The following BCKDHB variants were observed in gnomAD, a reference collection of about 807,000 sequenced individuals.
The protein encoded by BCKDHB is 2-oxoisovalerate dehydrogenase subunit beta, mitochondrial.
A neutral mutation model predicts 48.5 loss-of-function variants in BCKDHB; 41 were observed. The ratio of observed to expected loss-of-function variants is 0.85; its 90% CI spans 0.66 to 1.10. The LOEUF (loss-of-function observed/expected upper bound fraction) is 1.10. Among genes scored for constraint, BCKDHB ranks in the 50% least tolerant of loss-of-function variants. The probability of loss-of-function intolerance (pLI) is 0.00; values close to 1 mark genes in which losing one functional copy is unlikely to be tolerated. For missense variants in BCKDHB, 496 were observed against 494.2 expected (o/e 1.00, Z -0.03); for synonymous variants, 201 against 174.8 (o/e 1.15, Z -1.18).
chr6:80,304,674 A>G (rs1767763314), intron 9 of BCKDHB, among the ~76,000 whole-genome samples: 1 of 152,164 alleles, frequency 6.6e-6, no homozygotes, highest in Non-Finnish European at 1.5e-5. Context: ...TCACTCAGAA[A>G]CATAGGTGCA....
intron 8 of BCKDHB, among the ~76,000 whole-genome samples, chr6:80,265,845 G>C (rs1777493249): frequency 6.6e-6 from 1 of 152,106 alleles, no homozygotes; most frequent in Non-Finnish European, 1.5e-5. Flanking sequence ...AAATATAGTG[G>C]AATGATAATG....
chr6:80,285,842 A>G (rs1766600378), intron 9 of BCKDHB, among the ~76,000 whole-genome samples: 1 of 152,082 alleles, frequency 6.6e-6, no homozygotes, highest in Admixed American at 6.6e-5. Flanking sequence ...CTTGGGGTTG[A>G]TCAAAGATGA....
At chr6:80,421,614 T>G in the BCKDHB span, among the ~76,000 whole-genome samples, 9 of 152,200 alleles carry the variant, frequency 5.9e-5, no homozygotes, top group African/African-American at 2.2e-4. Flanking sequence ...AAGCTTGAGA[T>G]GGTCTCAGAT....
intron 6 of BCKDHB, among the ~76,000 whole-genome samples, chr6:80,185,346 T>C (rs570494474): frequency 6.6e-6 from 1 of 152,288 alleles, no homozygotes; most frequent in East Asian, 1.9e-4. Flanking sequence ...TTAAATTTTC[T>C]TTAAGTTGTT....
At chr6:80,301,802 C>CA (rs1333203054) in intron 9 of BCKDHB, among the ~76,000 whole-genome samples, 1 of 152,130 alleles carries the variant, frequency 6.6e-6, no homozygotes, top group Non-Finnish European at 1.5e-5. Flanking sequence ...ACACTATGAT[C>CA]AAATAGGCTT....
At chr6:80,128,872 CTGTGTGTGTGTGTGTGTGTG>C (rs60116640) in intron 2 of BCKDHB, among the ~76,000 whole-genome samples, 1 of 147,422 alleles carries the variant, frequency 6.8e-6, no homozygotes, top group South Asian at 2.2e-4. Flanking sequence ...GTTGTCTCAA[CTGTGTGTGTGTGTGTGTGTG>C]TGTGTGTGTG....
chr6:80,411,415 G>A, the BCKDHB span, among the ~76,000 whole-genome samples: 11 of 152,292 alleles, frequency 7.2e-5, no homozygotes, highest in African/African-American at 2.6e-4. Context: ...GGCTACATGG[G>A]GTCAGGGACC....
intron 9 of BCKDHB, among the ~76,000 whole-genome samples, chr6:80,306,738 C>T (rs1222842528): frequency 6.6e-6 from 1 of 152,156 alleles, no homozygotes; most frequent in African/African-American, 2.4e-5. Context: ...TATATCTTTT[C>T]ATTTTTTCAT....
intron 3 of BCKDHB, among the ~76,000 whole-genome samples, chr6:80,130,026 T>C (rs2069520173): frequency 6.6e-6 from 1 of 152,224 alleles, no homozygotes; most frequent in Admixed American, 6.5e-5. Flanking sequence ...CTGATGTCTT[T>C]AATTGGCATG....
chr6:80,267,770 A>G (rs1468931737), intron 8 of BCKDHB, among the ~76,000 whole-genome samples: 1 of 152,146 alleles, frequency 6.6e-6, no homozygotes, highest in Non-Finnish European at 1.5e-5. Context: ...CATTGAGGAA[A>G]AAATGAACCA....
intron 8 of BCKDHB, among the ~76,000 whole-genome samples, chr6:80,204,980 C>A (rs886398251): frequency 1.3e-5 from 2 of 151,982 alleles, no homozygotes; most frequent in Non-Finnish European, 2.9e-5. Flanking sequence ...ATGCATCAGA[C>A]CTCTGACTTA....
At chr6:80,403,680 A>T in the BCKDHB span, among the ~76,000 whole-genome samples, 1 of 151,838 alleles carries the variant, frequency 6.6e-6, no homozygotes, top group Non-Finnish European at 1.5e-5. Flanking sequence ...AAGCTTTCAA[A>T]TTTTCACCTT....
intron 6 of BCKDHB, among the ~76,000 whole-genome samples, chr6:80,187,481 G>C (rs1377314598): frequency 6.6e-6 from 1 of 152,018 alleles, no homozygotes; most frequent in African/African-American, 2.4e-5. Flanking sequence ...TAGCAAGTGG[G>C]GTCAGCTGAT....
chr6:80,109,006 G>A (rs1331051400), intron 1 of BCKDHB, among the ~76,000 whole-genome samples: 4 of 151,976 alleles, frequency 2.6e-5, no homozygotes, highest in East Asian at 1.9e-4. Flanking sequence ...TTATTTAGTC[G>A]GAAGAATTAT....
At chr6:80,239,706 G>C (rs1263750158) in intron 8 of BCKDHB, among the ~76,000 whole-genome samples, 3 of 152,040 alleles carry the variant, frequency 2.0e-5, no homozygotes, top group African/African-American at 7.2e-5. Context: ...GTATTGCCTA[G>C]GTTTTCTTCT....
intron 9 of BCKDHB, among the ~76,000 whole-genome samples, chr6:80,336,997 T>A (rs1448650441): frequency 1.3e-5 from 2 of 152,120 alleles, no homozygotes; most frequent in Non-Finnish European, 2.9e-5. Context: ...TTTAAAGCAT[T>A]AGCTTAAATG....
At chr6:80,363,953 AG>A in the BCKDHB span, among the ~76,000 whole-genome samples, 2 of 152,220 alleles carry the variant, frequency 1.3e-5, no homozygotes, top group Admixed American at 6.5e-5. Flanking sequence ...GCTACTTCTA[AG>A]GAGAACCAAA....
rs758192361 is a variant in BCKDHB at position 80,290,104 on chromosome 6, C to T, written c.1038+16883C>T. Among the ~76,000 whole-genome samples the T allele has an allele frequency of 4.6e-5, 7 of 152,188 alleles. 1 individual carries two copies. The highest frequency in any genetic ancestry group is 7.2e-5 in the African/African-American group (3 of 41,444). ...TGACTTGGAAGCACATTGGATCCTC[C>T]CAGTACAGCTGGAATGCCAACCTAA... On this transcript the variant is annotated intron_variant, in intron 9 of 9. Coordinates refer to ENST00000320393, the MANE Select transcript of BCKDHB (RefSeq NM_183050.4).
At chr6:80,421,389 C>A in the BCKDHB span, among the ~76,000 whole-genome samples, 1 of 152,096 alleles carries the variant, frequency 6.6e-6, no homozygotes, top group Non-Finnish European at 1.5e-5. Flanking sequence ...TGGAAACAGA[C>A]TAATACAGAG....
Sources: gnomAD v4.1 joint callset for allele counts (sites outside exome capture counted in the v4.1 genomes callset) on GRCh38, gnomAD v4.1.1 for gene constraint, MANE v1.5 for transcripts, NCBI Gene and HGNC (gene_info 2026-07-23, HGNC 2026-07-21) for gene names.